Variants in AJAP1 observed in about 807,000 individuals in gnomAD.
The protein encoded by AJAP1 is adherens junctions associated protein 1.
AJAP1 carries 5 observed loss-of-function variants against 35.0 expected under a neutral mutation model. That is an observed-to-expected ratio of 0.14 (90% CI 0.07 to 0.30). The LOEUF (loss-of-function observed/expected upper bound fraction) is 0.30, where lower values mean the gene tolerates loss of function less well. Ranked by LOEUF, AJAP1 falls within the 10% of genes least tolerant of loss-of-function variation. The probability of loss-of-function intolerance (pLI) is 1.00; values close to 1 mark genes in which losing one functional copy is unlikely to be tolerated. For synonymous variants in AJAP1, 284 were observed against 249.3 expected (o/e 1.14, Z -1.31); for missense variants, 586 against 571.0 (o/e 1.03, Z -0.27).
At chr1:4,678,583 C>T (rs946476806) in intron 1 of AJAP1, among the ~76,000 whole-genome samples, 7 of 152,178 alleles carry the variant, frequency 4.6e-5, no homozygotes, top group Admixed American at 2.0e-4. Flanking sequence ...CAAATGAGAA[C>T]TCACAATAAG....
intron 2 of AJAP1, among the ~76,000 whole-genome samples, chr1:4,713,312 C>T (rs56401224): frequency 2.6e-5 from 4 of 152,000 alleles, no homozygotes; most frequent in South Asian, 2.1e-4. Flanking sequence ...TCAGGTGGCA[C>T]CTTTCGGCTC....
chr1:4,777,878 AAGCAACATC>A (rs1278648825), intron 5 of AJAP1: 1 of 152,194 alleles, frequency 6.6e-6, no homozygotes, highest in East Asian at 1.9e-4. Flanking sequence ...CTGTTTTTCA[AAGCAACATC>A]CATACCTTTC....
intron 2 of AJAP1, among the ~76,000 whole-genome samples, chr1:4,731,692 T>C (rs914815275): frequency 1.3e-5 from 2 of 152,204 alleles, no homozygotes; most frequent in African/African-American, 2.4e-5. Context: ...CAAAGCAGGC[T>C]GGTCCAGAAA....
In AJAP1 at chr1:4,708,590, G is replaced by A. The variant is rs190631741; in HGVS notation, c.30-3310G>A. On this transcript the variant is annotated intron_variant, in intron 1 of 5. Transcript: ENST00000378191. ...CATCTCAGAGCCGCCCAAGGGATGA[G>A]GACAGAGATTGTTTGTACTGCTCAC... 2.1e-3 allele frequency among the ~76,000 whole-genome samples: 321 copies of A among 152,346 alleles called. 1 individual carries two copies. The highest frequency in any genetic ancestry group is 7.0e-3 in the African/African-American group (291 of 41,596).
At chr1:4,752,364 C>T (rs1641338864) in intron 2 of AJAP1, among the ~76,000 whole-genome samples, 1 of 151,910 alleles carries the variant, frequency 6.6e-6, no homozygotes, top group Admixed American at 6.6e-5. Flanking sequence ...GGGATCTGGG[C>T]AAGAGAGGAC....
At chr1:4,701,029 T>C (rs1639975321) in intron 1 of AJAP1, among the ~76,000 whole-genome samples, 1 of 152,172 alleles carries the variant, frequency 6.6e-6, no homozygotes, top group Non-Finnish European at 1.5e-5. Context: ...TTGTCACCAC[T>C]TCACTCCTCC....
At chr1:4,728,459 G>A (rs1017238580) in intron 2 of AJAP1, among the ~76,000 whole-genome samples, 4 of 152,160 alleles carry the variant, frequency 2.6e-5, no homozygotes, top group Non-Finnish European at 5.9e-5. Context: ...ACCCAGCCCC[G>A]GGTTTGGGGT....
intron 1 of AJAP1, among the ~76,000 whole-genome samples, chr1:4,711,433 C>T (rs1640231572): frequency 6.6e-6 from 1 of 152,180 alleles, no homozygotes; most frequent in African/African-American, 2.4e-5. Flanking sequence ...TAGAGGAAAG[C>T]GCCTGGCCCT....
At chr1:4,709,571 G>C (rs933069372) in intron 1 of AJAP1, among the ~76,000 whole-genome samples, 1 of 152,208 alleles carries the variant, frequency 6.6e-6, no homozygotes, top group Non-Finnish European at 1.5e-5. Context: ...AGCTCTGCAG[G>C]TCATGGGAGA....
chr1:4,745,554 C>T (rs995163672), intron 2 of AJAP1, among the ~76,000 whole-genome samples: 9 of 152,192 alleles, frequency 5.9e-5, no homozygotes, highest in Admixed American at 1.3e-4. Flanking sequence ...ACCCAGACTG[C>T]CTTACCCTCC....
Position 4,747,547 on chromosome 1 carries a change from T to A in AJAP1, c.830-22306T>A, listed in dbSNP as rs540745666. Among the ~76,000 whole-genome samples the A allele has an allele frequency of 1.1e-4, 17 of 152,330 alleles. 1 individual carries two copies. The South Asian group carries it at 3.5e-3, about 32-fold the overall frequency. On this transcript the variant is annotated intron_variant, in intron 2 of 5. Transcript: ENST00000378191. ...CCTAGGCACTGAACCATCCTCCCAC[T>A]TGTCCCTCTTGGGCCCCATTCTACC...
chr1:4,772,836 G>T (rs1228831799), intron 4 of AJAP1, among the ~76,000 whole-genome samples: 1 of 152,170 alleles, frequency 6.6e-6, no homozygotes, highest in Non-Finnish European at 1.5e-5. Flanking sequence ...GTGCCCCAGA[G>T]CCCAAAGGCC....
At chr1:4,662,972 C>T (rs937307393) in intron 1 of AJAP1, among the ~76,000 whole-genome samples, 1 of 152,062 alleles carries the variant, frequency 6.6e-6, no homozygotes, top group Non-Finnish European at 1.5e-5. Context: ...CCAAACTGTG[C>T]CTACTCCCCT....
Position 4,712,202 on chromosome 1 carries a change from T to C in AJAP1, c.332T>C (p.Leu111Pro). ...AGGCCCCGGGACCAGGCGGCCGCCC[T>C]CGTGCCCAAGGCAGGACTGGCCAAG... ...AHRPRDQAAA[L>P]VPKAGLAKPP... The change falls in exon 2 of 6, where the codon CTC becomes CCC. Residue 111 changes from leucine to proline, a missense_variant. Coordinates refer to ENST00000378191, the MANE Select transcript of AJAP1 (RefSeq NM_018836.4). The C allele has an allele frequency of 6.4e-7, 1 of 1,563,714 alleles. No homozygotes were observed. Among genetic ancestry groups the C allele is most frequent in the Non-Finnish European group, 8.6e-7 (1 of 1,162,904 alleles).
intron 1 of AJAP1, among the ~76,000 whole-genome samples, chr1:4,689,109 C>T (rs1639676529): frequency 6.6e-6 from 1 of 152,106 alleles, no homozygotes; most frequent in Non-Finnish European, 1.5e-5. Flanking sequence ...CGGCTTCGGT[C>T]TTCAGTTCCT....
chr1:4,774,136 G>A (rs9426504), intron 4 of AJAP1, among the ~76,000 whole-genome samples: 35,361 of 152,226 alleles, frequency 0.23, 4,555 homozygotes, highest in Middle Eastern at 0.35. Flanking sequence ...ATTCAAAAAC[G>A]AAAATGTGGA....
chr1:4,741,276 A>C (rs907875630), intron 2 of AJAP1, among the ~76,000 whole-genome samples: 1 of 152,222 alleles, frequency 6.6e-6, no homozygotes, highest in African/African-American at 2.4e-5. Context: ...GTAGAAAGGC[A>C]TCCTCTCACA....
intron 2 of AJAP1, among the ~76,000 whole-genome samples, chr1:4,767,519 C>T (rs12748230): frequency 7.4e-6 from 1 of 134,650 alleles, no homozygotes; most frequent in African/African-American, 2.6e-5. Flanking sequence ...TCACCATCAC[C>T]ACCACCATCA....
intron 1 of AJAP1, among the ~76,000 whole-genome samples, chr1:4,695,841 G>C (rs1454889928): frequency 6.6e-6 from 1 of 152,144 alleles, no homozygotes; most frequent in African/African-American, 2.4e-5. Context: ...CCAAGGTCTA[G>C]AGCTTCCACA....
Sources: gnomAD v4.1 joint callset for allele counts (sites outside exome capture counted in the v4.1 genomes callset) on GRCh38, gnomAD v4.1.1 for gene constraint, MANE v1.5 for transcripts, NCBI Gene and HGNC (gene_info 2026-07-23, HGNC 2026-07-21) for gene names.